GPI: variants seen among roughly 807,000 people sequenced by gnomAD.
GPI encodes glucose-6-phosphate isomerase, also known as D-hexose-6-phosphate anomerase.
Under a neutral mutation model 75.8 loss-of-function variants are expected in GPI, and 56 were observed. That is an observed-to-expected ratio of 0.74 (90% CI 0.60 to 0.92). GPI has a LOEUF of 0.92. Among genes scored for constraint, GPI ranks in the 40% least tolerant of loss-of-function variants. GPI has a pLI of 0.00. For synonymous variants in GPI, 288 were observed against 285.4 expected (o/e 1.01, Z -0.09); for missense variants, 638 against 741.0 (o/e 0.86, Z 1.61).
At position 34,365,272 on chromosome 19, in the gene GPI, C is replaced by G; in HGVS notation, c.6C>G (p.Ala2=). The change falls in exon 1 of 18, where the codon GCC becomes GCG. Residue 2 remains alanine, a synonymous_variant. Coordinates refer to ENST00000356487, the MANE Select transcript of GPI (RefSeq NM_000175.5). M[A]ALTRDPQFQK... ...GTGTACCTTCTAGTCCCGCCATGGC[C>G]GCTCTCACCCGGGACCCCCAGTTCC... 1.3e-6 allele frequency: 2 copies of G among 1,574,544 alleles called. No homozygotes were observed. Among genetic ancestry groups the G allele is most frequent in the African/African-American group, 1.4e-5 (1 of 71,252 alleles).
At position 34,377,839 on chromosome 19, in the gene GPI, C is replaced by A. The variant is rs1177016542; in HGVS notation, c.591C>A (p.Ala197=). The A allele has an allele frequency of 1.9e-6, 3 of 1,614,110 alleles. No homozygotes were observed. The highest frequency in any genetic ancestry group is 2.5e-6 in the Non-Finnish European group (3 of 1,179,994). The change falls in exon 6 of 18, where the codon GCC becomes GCA. Residue 197 remains alanine, a synonymous_variant. Coordinates refer to ENST00000356487, the MANE Select transcript of GPI (RefSeq NM_000175.5). ...GAACTCACATTGCCAAAACCCTGGC[C>A]CAGCTGAACCCCGAGTCCTCCCTGT... The part of the protein sequence containing the change: ...IDGTHIAKTL[A]QLNPESSLFI...
rs201371748 is a variant in GPI, at chr19:34,377,788, C to T, written c.540C>T (p.Arg180=). ...ALKPYSSGGP[R]VWYVSNIDGT... ...AGCCATACTCTTCAGGAGGTCCCCG[C>T]GTCTGGTATGTCTCCAACATTGATG... is the stretch of plus-strand genomic sequence containing the variant. Residue 180 remains arginine (R), a synonymous_variant, in exon 6 of 18, where the codon CGC becomes CGT. Transcript: ENST00000356487. 1.3e-4 allele frequency: 209 copies of T among 1,613,772 alleles called. No homozygotes were observed. Among genetic ancestry groups the T allele is most frequent in the Middle Eastern group, 1.6e-4 (1 of 6,084 alleles).
At chr19:34,360,665 C>A (rs545602941), upstream of GPI, among the ~76,000 whole-genome samples, 7 of 152,294 alleles carry the variant, frequency 4.6e-5, no homozygotes, top group Admixed American at 2.0e-4. Context: ...CACTTTCCCT[C>A]CACCTTTTTC....
chr19:34,364,926 GCCTCCAACA>G, upstream of GPI: 1 of 1,505,934 alleles, frequency 6.6e-7, no homozygotes, highest in African/African-American at 1.4e-5. Context: ...GCTCTCTGCA[GCCTCCAACA>G]CCTGGGCTCC....
At chr19:34,377,074 G>A (rs1207868404) in intron 4 of GPI, among the ~76,000 whole-genome samples, 1 of 151,106 alleles carries the variant, frequency 6.6e-6, no homozygotes, top group Non-Finnish European at 1.5e-5. Context: ...AGGCTGAGGC[G>A]GGCAGATCAC....
upstream of GPI, chr19:34,364,960 T>C: frequency 6.5e-7 from 1 of 1,527,224 alleles, no homozygotes. Flanking sequence ...ATCCCCGGGC[T>C]CTGCCCACCC....
At chr19:34,362,741 G>C (rs111272750), upstream of GPI, among the ~76,000 whole-genome samples, 2 of 152,166 alleles carry the variant, frequency 1.3e-5, no homozygotes. Context: ...CATTCTCTTC[G>C]TTATTTTCCT....
intron 14 of GPI, chr19:34,397,909 T>G (rs759516853): frequency 2.0e-4 from 30 of 151,392 alleles, no homozygotes; most frequent in Admixed American, 7.9e-4. Flanking sequence ...ATTTTAGAGA[T>G]AGCATGTCAC....
intron 13 of GPI, 48 bp from the exon 14 acceptor site, chr19:34,396,533 A>G (rs2074947863): frequency 1.9e-6 from 3 of 1,610,406 alleles, no homozygotes; most frequent in Non-Finnish European, 2.5e-6. Context: ...CCATATGGCT[A>G]GCTCCCATGG....
At chr19:34,374,274 C>T (rs895506987) in intron 4 of GPI, among the ~76,000 whole-genome samples, 4 of 151,844 alleles carry the variant, frequency 2.6e-5, no homozygotes, top group Non-Finnish European at 5.9e-5. Context: ...TGAACCACCA[C>T]GCCCGGCTAC....
chr19:34,374,360 G>A (rs2074501273), intron 4 of GPI, among the ~76,000 whole-genome samples: 1 of 152,040 alleles, frequency 6.6e-6, no homozygotes, highest in Non-Finnish European at 1.5e-5. Context: ...TGCATCAGTG[G>A]GTTAATGCCA....
chr19:34,373,962 CT>C (rs1289562540), intron 4 of GPI, among the ~76,000 whole-genome samples: 2 of 151,782 alleles, frequency 1.3e-5, no homozygotes, highest in Non-Finnish European at 1.5e-5. Context: ...CACATTCTTT[CT>C]TTTTTTTATT....
chr19:34,370,826 G>C (rs760692604), intron 4 of GPI, among the ~76,000 whole-genome samples: 22 of 152,196 alleles, frequency 1.4e-4, no homozygotes, highest in South Asian at 2.1e-4. Context: ...GCTGGGGTGG[G>C]AGGATTGCTT....
intron 12 of GPI, among the ~76,000 whole-genome samples, chr19:34,394,314 G>T (rs1465602209): frequency 6.6e-6 from 1 of 152,018 alleles, no homozygotes; most frequent in Non-Finnish European, 1.5e-5. Context: ...GGCTAGGGAG[G>T]TCCTGGCTTG....
intron 8 of GPI, chr19:34,380,929 A>G (rs943463590): frequency 4.2e-6 from 1 of 236,160 alleles, no homozygotes. Context: ...TGGAATAGGT[A>G]AGGAATTGCT....
rs921416736 is a variant in GPI, at chr19:34,402,157, TAAG to T, written c.*2124_*2126del. ...GTGTACTGTTGTAAAAAAAAAAAAA[TAAG>T]AAAAATAAAAAATAAATTTTTGTAG... On this transcript the variant is annotated 3_prime_UTR_variant, in exon 18 of 18. Transcript: ENST00000356487. 7 of 150,464 alleles carry T rather than the reference TAAG, an allele frequency of 4.7e-5. No individual in the cohort carries two copies. The highest frequency in any genetic ancestry group is 8.9e-5 in the Non-Finnish European group (6 of 67,654). The allele number at this position is 150,464 out of a possible 1,614,324, so 9.3% of individuals were successfully genotyped here. A position where few individuals can be genotyped will look rare whatever the true frequency, so the allele number is the denominator to read the frequency against.
At chr19:34,362,828 T>C (rs1402078572), upstream of GPI, among the ~76,000 whole-genome samples, 1 of 152,234 alleles carries the variant, frequency 6.6e-6, no homozygotes, top group East Asian at 1.9e-4. Flanking sequence ...GACTTTCTGC[T>C]GCTGGCTGCA....
chr19:34,375,144 C>CTT (rs572414870), intron 4 of GPI, among the ~76,000 whole-genome samples: 2,906 of 141,480 alleles, frequency 0.021, 99 homozygotes, highest in African/African-American at 0.068. Flanking sequence ...CAGCAATACA[C>CTT]TTTTTTTTTT....
chr19:34,392,031 A>G (rs62123386), intron 9 of GPI, among the ~76,000 whole-genome samples: 5 of 916 alleles, frequency 5.5e-3, no homozygotes, highest in African/African-American at 0.012. Flanking sequence ...GGGTCTTTCA[A>G]TGTCTGAGAA....
Sources: gnomAD v4.1 joint callset for allele counts (sites outside exome capture counted in the v4.1 genomes callset) on GRCh38, gnomAD v4.1.1 for gene constraint, MANE v1.5 for transcripts, NCBI Gene and HGNC (gene_info 2026-07-23, HGNC 2026-07-21) for gene names.